COLQ: variants seen among roughly 807,000 people sequenced by gnomAD.
COLQ encodes the protein acetylcholinesterase collagenic tail peptide.
A neutral mutation model predicts 69.0 loss-of-function variants in COLQ; 48 were observed. That is an observed-to-expected ratio of 0.70 (90% CI 0.55 to 0.88). The LOEUF (loss-of-function observed/expected upper bound fraction) is 0.88, where lower values mean the gene tolerates loss of function less well. Ranked by LOEUF, COLQ falls within the 40% of genes least tolerant of loss-of-function variation. The probability of loss-of-function intolerance (pLI) is 0.00; values close to 1 mark genes in which losing one functional copy is unlikely to be tolerated. For synonymous variants in COLQ, 217 were observed against 211.2 expected, an observed-to-expected ratio of 1.03 and a Z score of -0.24; for missense variants, 618 against 594.6, an observed-to-expected ratio of 1.04 and a Z score of -0.41.
intron 1 of COLQ, among the ~76,000 whole-genome samples, chr3:15,502,721 C>T (rs2062848612): frequency 6.6e-6 from 1 of 152,098 alleles, no homozygotes; most frequent in East Asian, 1.9e-4. Flanking sequence ...GCCTAACTTG[C>T]ACTGATGAAT....
At position 15,474,249 on chromosome 3, in the gene COLQ, G is replaced by C. The variant is rs2062339652; in HGVS notation, c.579C>G (p.Asp193Glu). The C allele has an allele frequency of 2.5e-6, 4 of 1,614,010 alleles. No individual in the cohort carries two copies. The South Asian group carries it at 4.4e-5, about 18-fold the overall frequency. The change falls in exon 9 of 17, where the codon GAC becomes GAG. Residue 193 changes from aspartate (D) to glutamate (E), a missense_variant. By Grantham distance (45) the Asp-to-Glu change is conservative. Transcript: ENST00000383788. ...TTACCTTTTCTCCTTTGGGACCCAG[G>C]TCACCCTTTTCACCTCTGGATCCCT... Reference protein sequence around the residue: ...GEKGSRGEKGDLGPKGEKGFP... With the variant: ...GEKGSRGEKGELGPKGEKGFP...
rs2061939644 is a variant in COLQ at position 15,451,403 on chromosome 3, G to A, written c.*241C>T. 4.6e-6 allele frequency: 3 copies of A among 658,210 alleles called. No individual in the cohort carries two copies. Among genetic ancestry groups the A allele is most frequent in the South Asian group, 1.8e-5 (1 of 57,134 alleles). 40.8% of individuals were successfully genotyped at this position (658,210 alleles called of 1,614,324 possible). ...TTGTTTGGCCAAATGGTAGCGATGG[G>A]GAACAGGTCTCAGGTTGGGCATGTG... is the stretch of plus-strand genomic sequence containing the variant. On this transcript the variant is annotated 3_prime_UTR_variant, in exon 17 of 17. Transcript: ENST00000383788.
chr3:15,486,428 T>C (rs1336781613), intron 3 of COLQ, among the ~76,000 whole-genome samples: 1 of 152,188 alleles, frequency 6.6e-6, no homozygotes, highest in Admixed American at 6.5e-5. Context: ...TCTAAGGACA[T>C]GAAGGTGGCT....
At chr3:15,472,269 G>GT (rs2062301231) in intron 10 of COLQ, among the ~76,000 whole-genome samples, 1 of 152,126 alleles carries the variant, frequency 6.6e-6, no homozygotes, top group South Asian at 2.1e-4. Flanking sequence ...AAGTAAAACT[G>GT]TTTTTTCTCT....
chr3:15,497,342 C>A (rs1298577208), intron 1 of COLQ, among the ~76,000 whole-genome samples: 2 of 152,134 alleles, frequency 1.3e-5, no homozygotes, highest in Non-Finnish European at 2.9e-5. Flanking sequence ...CTGCACCTGG[C>A]CTCCTTTAGT....
chr3:15,481,190 A>G (rs560205879), intron 3 of COLQ, among the ~76,000 whole-genome samples: 18 of 152,322 alleles, frequency 1.2e-4, no homozygotes, highest in African/African-American at 4.3e-4. Flanking sequence ...TTTGCTGTGC[A>G]GAAGCTCTTT....
intron 1 of COLQ, among the ~76,000 whole-genome samples, chr3:15,490,412 A>C (rs1317539845): frequency 6.6e-6 from 1 of 152,242 alleles, no homozygotes; most frequent in East Asian, 1.9e-4. Flanking sequence ...CCCAGTGCCC[A>C]GAAGCTCCTT....
At chr3:15,517,910 CAG>C (rs1337171170) in intron 1 of COLQ, among the ~76,000 whole-genome samples, 3 of 152,260 alleles carry the variant, frequency 2.0e-5, no homozygotes, top group Middle Eastern at 3.4e-3. Flanking sequence ...GGGTTACAGA[CAG>C]AGCAGAGGCT....
chr3:15,453,893 C>T lies in COLQ; in HGVS notation c.1234G>A (p.Glu412Lys). 6.2e-7 allele frequency: 1 copy of T among 1,611,806 alleles called. No individual in the cohort carries two copies. Among genetic ancestry groups the T allele is most frequent in the East Asian group, 2.2e-5 (1 of 44,720 alleles). The part of the protein sequence containing the change: ...RAYCGDGHRH[E>K]GVEDCDGSDF... ...GAGCCGTCACAGTCCTCCACACCCTCATGCCGGTGACCATCTCCACAGTAG... is the reference window on the plus strand; with the variant it reads ...GAGCCGTCACAGTCCTCCACACCCTTATGCCGGTGACCATCTCCACAGTAG... Residue 412 changes from glutamate to lysine, a missense_variant, in exon 16 of 17, where the codon GAG (glutamate) becomes AAG (lysine). By Grantham distance (56) the Glu-to-Lys change is moderately conservative. Transcript: ENST00000383788.
At chr3:15,479,236 C>T in intron 4 of COLQ, 102 bp downstream of exon 4, 1 of 1,312,204 alleles carries the variant, frequency 7.6e-7, no homozygotes, top group Non-Finnish European at 1.1e-6. Context: ...GCAGAGTTAG[C>T]ACATGTTTGG....
intron 5 of COLQ, among the ~76,000 whole-genome samples, chr3:15,478,387 G>A (rs549770709): frequency 2.0e-5 from 3 of 152,188 alleles, no homozygotes; most frequent in Non-Finnish European, 4.4e-5. Flanking sequence ...AGTTTTGCAC[G>A]CTTGTCTATA....
chr3:15,455,138 G>A (rs2062006860), intron 15 of COLQ, among the ~76,000 whole-genome samples: 1 of 152,178 alleles, frequency 6.6e-6, no homozygotes, highest in Admixed American at 6.5e-5. Flanking sequence ...TTAGCTCACA[G>A]GATCTCTAGG....
chr3:15,514,215 A>G (rs1422509228), intron 1 of COLQ, among the ~76,000 whole-genome samples: 17 of 152,200 alleles, frequency 1.1e-4, no homozygotes. Flanking sequence ...GTTTTAAGCC[A>G]CTAAGTTTAT....
rs532869144 is a variant in COLQ, at chr3:15,489,612, C to G, written c.132G>C (p.Lys44Asn). Residue 44 changes from lysine to asparagine, a missense_variant, in exon 2 of 17, where the codon AAG (lysine) becomes AAC (asparagine). By Grantham distance (94) the Lys-to-Asn change is moderately conservative. Transcript: ENST00000383788. ...SAALPSLDQKKRGGHKACCLL... is the reference protein window; with the variant it reads ...SAALPSLDQKNRGGHKACCLL... ...GGCAGCATGCTTTGTGGCCACCACG[C>G]TTCTTCTGATCCAGGCTGGGAAGGG... is the stretch of plus-strand genomic sequence containing the variant. 1.2e-6 allele frequency: 2 copies of G among 1,614,142 alleles called. No individual in the cohort carries two copies. Among genetic ancestry groups the G allele is most frequent in the African/African-American group, 2.7e-5 (2 of 75,058 alleles).
In COLQ at chr3:15,457,749, A is replaced by T. The variant is rs184689927; in HGVS notation, c.954+437T>A. Among the ~76,000 whole-genome samples the T allele has an allele frequency of 2.8e-3, 424 of 152,192 alleles. 1 individual carries two copies. The highest frequency in any genetic ancestry group is 9.1e-3 in the African/African-American group (378 of 41,532). On this transcript the variant is annotated intron_variant, in intron 13 of 16. Coordinates refer to ENST00000383788, the MANE Select transcript of COLQ (RefSeq NM_005677.4). ...CACCTCAGCCTCCCAAGTAGCTGAG[A>T]CAACAGGCGTGCACCACCGCGCCCG... is the stretch of plus-strand genomic sequence containing the variant.
intron 3 of COLQ, among the ~76,000 whole-genome samples, chr3:15,483,032 T>C (rs1351502012): frequency 6.6e-6 from 1 of 152,252 alleles, no homozygotes; most frequent in Admixed American, 6.5e-5. Context: ...TGGTAGTTTG[T>C]ATTTCTGTGG....
intron 7 of COLQ, 113 bp downstream of exon 7, chr3:15,475,312 G>T (rs1007109410): frequency 1.0e-5 from 11 of 1,069,574 alleles, no homozygotes; most frequent in Non-Finnish European, 1.4e-5. Flanking sequence ...TCCAATATCC[G>T]CGACATTCCC....
intron 10 of COLQ, 63 bp from the exon 11 acceptor site, chr3:15,470,679 A>G (rs1338412155): frequency 6.9e-7 from 1 of 1,444,672 alleles, no homozygotes; most frequent in South Asian, 1.1e-5. Context: ...ACATCTACAC[A>G]GGTCTAGCCA....
In COLQ at chr3:15,451,361, A is replaced by G; in HGVS notation, c.*283T>C. The G allele has an allele frequency of 1.7e-6, 1 of 590,708 alleles. No individual in the cohort carries two copies. Among genetic ancestry groups the G allele is most frequent in the Non-Finnish European group, 3.1e-6 (1 of 322,096 alleles). 36.6% of individuals were successfully genotyped at this position (590,708 alleles called of 1,614,324 possible). On this transcript the variant is annotated 3_prime_UTR_variant, in exon 17 of 17. Coordinates refer to ENST00000383788, the MANE Select transcript of COLQ (RefSeq NM_005677.4). ...TGGGTCAGCAACATTCCAGAAGAGG[A>G]AGAGCATTGTAGCCGGTTGTTTGGC...
Sources: allele counts gnomAD v4.1 joint callset (sites outside exome capture counted in the v4.1 genomes callset), GRCh38; gene constraint gnomAD v4.1.1; transcripts MANE v1.5; gene names NCBI Gene and HGNC (gene_info 2026-07-23, HGNC 2026-07-21).